Variants in EPHB1 observed in about 807,000 individuals in gnomAD.
EPHB1 encodes ephrin type-B receptor 1.
Under a neutral mutation model 94.4 loss-of-function variants are expected in EPHB1, and 30 were observed. That is an observed-to-expected ratio of 0.32 (90% CI 0.24 to 0.43). EPHB1 has a LOEUF of 0.43. Ranked by LOEUF, EPHB1 falls within the 20% of genes least tolerant of loss-of-function variation. EPHB1 has a pLI of 1.00. For missense variants in EPHB1, 1,055 were observed against 1,308.3 expected, an observed-to-expected ratio of 0.81 and a Z score of 2.99; for synonymous variants, 522 against 489.1, an observed-to-expected ratio of 1.07 and a Z score of -0.89.
At chr3:135,213,318 T>G (rs1943072794) in intron 12 of EPHB1, among the ~76,000 whole-genome samples, 1 of 152,254 alleles carries the variant, frequency 6.6e-6, no homozygotes, top group Non-Finnish European at 1.5e-5. Flanking sequence ...GCTACTAATA[T>G]TCCTGCTCTT....
At chr3:135,147,644 C>T (rs534816988) in intron 5 of EPHB1, among the ~76,000 whole-genome samples, 62 of 152,340 alleles carry the variant, frequency 4.1e-4, no homozygotes, top group African/African-American at 1.4e-3. Flanking sequence ...CTACTCTACC[C>T]TGTCCACCCA....
At chr3:134,846,241 A>G (rs1014704006) in intron 1 of EPHB1, among the ~76,000 whole-genome samples, 1 of 152,176 alleles carries the variant, frequency 6.6e-6, no homozygotes, top group African/African-American at 2.4e-5. Flanking sequence ...CTTTGCAAAT[A>G]CAGACCCATT....
At chr3:135,256,285 TGTTA>T (rs1157348816) in intron 15 of EPHB1, among the ~76,000 whole-genome samples, 1 of 152,140 alleles carries the variant, frequency 6.6e-6, no homozygotes, top group Non-Finnish European at 1.5e-5. Context: ...TTATTTTGCT[TGTTA>T]GTTGATGCAG....
At chr3:135,009,357 G>A (rs903535767) in intron 3 of EPHB1, among the ~76,000 whole-genome samples, 1 of 152,192 alleles carries the variant, frequency 6.6e-6, no homozygotes, top group African/African-American at 2.4e-5. Context: ...TTGGTCTGGG[G>A]TCTGGCTCAG....
chr3:135,030,948 G>C (rs981299932), intron 3 of EPHB1, among the ~76,000 whole-genome samples: 1 of 152,176 alleles, frequency 6.6e-6, no homozygotes, highest in African/African-American at 2.4e-5. Flanking sequence ...TAAGCCCGTC[G>C]GAAAAGCGCA....
At chr3:134,940,121 G>A (rs2039083800) in intron 2 of EPHB1, among the ~76,000 whole-genome samples, 1 of 149,182 alleles carries the variant, frequency 6.7e-6, no homozygotes, top group Middle Eastern at 3.2e-3. Flanking sequence ...TAAGGAGAGG[G>A]AGTTTAGCCT....
chr3:135,078,938 G>A (rs1239101908), intron 3 of EPHB1, among the ~76,000 whole-genome samples: 8 of 152,112 alleles, frequency 5.3e-5, no homozygotes, highest in Admixed American at 4.6e-4. Context: ...TATAACTGTA[G>A]TAACCTCATT....
At position 135,052,890 on chromosome 3, in the gene EPHB1, A is replaced by AATATATATAT. The variant is rs1553726756; in HGVS notation, c.806-53547_806-53538dup. Among the ~76,000 whole-genome samples the AATATATATAT allele has an allele frequency of 7.3e-4, 40 of 54,596 alleles. 1 individual carries two copies. Among genetic ancestry groups the AATATATATAT allele is most frequent in the African/African-American group, 3.5e-3 (33 of 9,348 alleles). 35.8% of individuals were successfully genotyped at this position (54,596 alleles called of 152,430 possible). A position where few individuals can be genotyped will look rare whatever the true frequency, so the allele number is the denominator to read the frequency against. ...AAAAAAAAAAAAAAAAAAAAAAAAA[A>AATATATATAT]ATATATATATATATATATATGTGTG... On this transcript the variant is annotated intron_variant, in intron 3 of 15. Coordinates refer to ENST00000398015, the MANE Select transcript of EPHB1 (RefSeq NM_004441.5).
At chr3:134,950,768 A>C (rs1932997320) in intron 2 of EPHB1, among the ~76,000 whole-genome samples, 1 of 152,248 alleles carries the variant, frequency 6.6e-6, no homozygotes, top group African/African-American at 2.4e-5. Context: ...TCACATTTCA[A>C]CATGAGATTC....
chr3:135,200,425 G>C (rs1443679899), intron 11 of EPHB1, among the ~76,000 whole-genome samples: 1 of 149,826 alleles, frequency 6.7e-6, no homozygotes, highest in Non-Finnish European at 1.5e-5. Context: ...GCCAGACGCT[G>C]TGCATGAGGT....
At chr3:135,088,994 A>C (rs1294902939) in intron 3 of EPHB1, among the ~76,000 whole-genome samples, 1 of 152,196 alleles carries the variant, frequency 6.6e-6, no homozygotes, top group East Asian at 1.9e-4. Context: ...TGAGACAGGG[A>C]CTAATTTTTA....
chr3:135,014,564 C>A (rs1057393340), intron 3 of EPHB1, among the ~76,000 whole-genome samples: 2 of 152,194 alleles, frequency 1.3e-5, no homozygotes, highest in African/African-American at 4.8e-5. Flanking sequence ...AATTTTAATG[C>A]AGCAAATTGG....
At chr3:134,862,221 C>T (rs2037278992) in intron 1 of EPHB1, among the ~76,000 whole-genome samples, 1 of 152,118 alleles carries the variant, frequency 6.6e-6, no homozygotes, top group South Asian at 2.1e-4. Flanking sequence ...GCTTGCTGGG[C>T]AGCTCTTTGG....
At chr3:134,811,379 T>C (rs548294904) in intron 1 of EPHB1, among the ~76,000 whole-genome samples, 77 of 150,610 alleles carry the variant, frequency 5.1e-4, no homozygotes, top group South Asian at 1.3e-3. Context: ...GCTGGAATTA[T>C]AGGCGAGCAC....
chr3:135,144,351 C>T (rs1236080770), intron 5 of EPHB1, among the ~76,000 whole-genome samples: 1 of 152,178 alleles, frequency 6.6e-6, no homozygotes, highest in Non-Finnish European at 1.5e-5. Flanking sequence ...AGTTCTCAAA[C>T]TTGAGAATGT....
intron 1 of EPHB1, among the ~76,000 whole-genome samples, chr3:134,839,557 G>A (rs1347334036): frequency 6.6e-6 from 1 of 152,092 alleles, no homozygotes; most frequent in Non-Finnish European, 1.5e-5. Context: ...TCACCGAGAA[G>A]GCCCTGCTGT....
At chr3:134,895,296 G>A (rs2038067163) in intron 1 of EPHB1, among the ~76,000 whole-genome samples, 1 of 152,112 alleles carries the variant, frequency 6.6e-6, no homozygotes, top group Non-Finnish European at 1.5e-5. Flanking sequence ...TTCTTTATTT[G>A]CTGGCTCACC....
chr3:135,029,256 T>C (rs1290286301), intron 3 of EPHB1, among the ~76,000 whole-genome samples: 1 of 149,924 alleles, frequency 6.7e-6, no homozygotes, highest in African/African-American at 2.4e-5. Flanking sequence ...GTGAATTTGA[T>C]CCTGTCATTA....
chr3:134,979,778 TTGA>T (rs1436030627), intron 3 of EPHB1, among the ~76,000 whole-genome samples: 10 of 151,540 alleles, frequency 6.6e-5, no homozygotes, highest in South Asian at 6.3e-4. Context: ...CTGTAGTCTG[TTGA>T]TGATTTTCTT....
Sources: gnomAD v4.1 joint callset for allele counts (sites outside exome capture counted in the v4.1 genomes callset) on GRCh38, gnomAD v4.1.1 for gene constraint, MANE v1.5 for transcripts, NCBI Gene and HGNC (gene_info 2026-07-23, HGNC 2026-07-21) for gene names.